RAB6B: variants seen among roughly 807,000 people sequenced by gnomAD.
The protein encoded by RAB6B is ras-related protein Rab-6B.
In RAB6B, 7 loss-of-function variants were observed where a neutral mutation model predicts 31.2. The ratio of observed to expected loss-of-function variants is 0.22; its 90% confidence interval spans 0.13 to 0.42. The LOEUF (loss-of-function observed/expected upper bound fraction) is 0.42, where lower values mean the gene tolerates loss of function less well. RAB6B is among the 10% of genes least tolerant of loss of function. The pLI, the probability that RAB6B is intolerant of heterozygous loss-of-function variation, is 1.00. For missense variants in RAB6B, 149 were observed against 280.6 expected, an observed-to-expected ratio of 0.53 and a Z score of 3.35; for synonymous variants, 105 against 104.9, an observed-to-expected ratio of 1.00 and a Z score of -0.01.
intron 1 of RAB6B, among the ~76,000 whole-genome samples, 187 bp downstream of exon 1, chr3:133,895,210 C>T (rs1936691065): frequency 6.6e-6 from 1 of 152,270 alleles, no homozygotes; most frequent in South Asian, 2.1e-4. Flanking sequence ...GCTCCAGCGC[C>T]TCCTCCGTCC....
In RAB6B at chr3:133,828,720, G is replaced by A. The variant is rs550352284; in HGVS notation, c.*68C>T. The A allele has an allele frequency of 5.3e-6, 8 of 1,500,494 alleles. No individual in the cohort carries two copies. In the South Asian group the frequency reaches 9.0e-5, roughly 17 times the overall value. 92.9% of individuals were successfully genotyped at this position (1,500,494 alleles called of 1,614,324 possible). A position where few individuals can be genotyped will look rare whatever the true frequency, so the allele number is the denominator to read the frequency against. On this transcript the variant is annotated 3_prime_UTR_variant, in exon 8 of 8. Coordinates refer to ENST00000285208, the MANE Select transcript of RAB6B (RefSeq NM_016577.4). ...ATAACTCGGTTCCCTCCCCCCTTAG[G>A]AAGCTAGCCAATAGGAAGCAACACA...
intron 2 of RAB6B, among the ~76,000 whole-genome samples, chr3:133,842,322 A>G (rs1220314382): frequency 6.6e-6 from 1 of 152,266 alleles, no homozygotes; most frequent in Non-Finnish European, 1.5e-5. Context: ...AGAGGCAGCC[A>G]GCCTTGTGGC....
At chr3:133,830,531 G>A (rs1391092109) in intron 7 of RAB6B, among the ~76,000 whole-genome samples, 2 of 152,118 alleles carry the variant, frequency 1.3e-5, no homozygotes, top group Non-Finnish European at 2.9e-5. Flanking sequence ...TTCTAGAAGT[G>A]ATGCTCCCTC....
intron 1 of RAB6B, among the ~76,000 whole-genome samples, chr3:133,879,157 A>C (rs1286627985): frequency 6.6e-6 from 1 of 152,224 alleles, no homozygotes; most frequent in Non-Finnish European, 1.5e-5. Flanking sequence ...AGCAGTAACA[A>C]GTTAAAATTC....
chr3:133,876,871 T>C (rs1261230270), intron 1 of RAB6B, among the ~76,000 whole-genome samples: 2 of 152,074 alleles, frequency 1.3e-5, no homozygotes, highest in Non-Finnish European at 2.9e-5. Flanking sequence ...CTGCCCAGAC[T>C]GATGTTCCCT....
chr3:133,873,576 A>T (rs762939972), intron 1 of RAB6B, among the ~76,000 whole-genome samples: 1 of 152,216 alleles, frequency 6.6e-6, no homozygotes, highest in African/African-American at 2.4e-5. Context: ...AAAAGGTGCT[A>T]TCATCTTTGG....
intron 2 of RAB6B, among the ~76,000 whole-genome samples, chr3:133,851,928 T>C (rs1935989480): frequency 6.6e-6 from 1 of 152,308 alleles, no homozygotes; most frequent in East Asian, 1.9e-4. Flanking sequence ...GCTGCTTCTC[T>C]GGAAGCAACT....
Position 133,828,709 on chromosome 3 carries a change from T to C in RAB6B, c.*79A>G, listed in dbSNP as rs1935610852. On this transcript the variant is annotated 3_prime_UTR_variant, in exon 8 of 8. Coordinates refer to ENST00000285208, the MANE Select transcript of RAB6B (RefSeq NM_016577.4). ...CTCCCATCTTGATAACTCGGTTCCC[T>C]CCCCCCTTAGGAAGCTAGCCAATAG... 6 of 1,209,648 alleles carry C rather than the reference T, an allele frequency of 5.0e-6. No homozygotes were observed. Among genetic ancestry groups the C allele is most frequent in the Admixed American group, 1.9e-5 (1 of 52,098 alleles). The allele number at this position is 1,209,648 out of a possible 1,614,324, so 74.9% of individuals were successfully genotyped here. A position where few individuals can be genotyped will look rare whatever the true frequency, so the allele number is the denominator to read the frequency against.
At chr3:133,873,353 C>T (rs1339872325) in intron 1 of RAB6B, among the ~76,000 whole-genome samples, 1 of 152,220 alleles carries the variant, frequency 6.6e-6, no homozygotes, top group Non-Finnish European at 1.5e-5. Flanking sequence ...TGGCTGGAGA[C>T]TGGAAGATTT....
At chr3:133,844,316 C>A (rs1935878193) in intron 2 of RAB6B, among the ~76,000 whole-genome samples, 1 of 152,242 alleles carries the variant, frequency 6.6e-6, no homozygotes, top group Non-Finnish European at 1.5e-5. Context: ...TTCTCCAGCT[C>A]TCTCTTAATT....
At chr3:133,834,461 G>A in intron 7 of RAB6B, 114 bp downstream of exon 7, 2 of 1,195,620 alleles carry the variant, frequency 1.7e-6, no homozygotes, top group Non-Finnish European at 2.5e-6. Context: ...ATTCGCGGCA[G>A]ACCAGGGAAG....
chr3:133,859,574 G>A (rs1024040426), intron 2 of RAB6B, among the ~76,000 whole-genome samples: 29 of 152,196 alleles, frequency 1.9e-4, no homozygotes, highest in African/African-American at 6.5e-4. Context: ...TTTTAGGCCC[G>A]AGTCTCTGTT....
In RAB6B at chr3:133,826,064, C is replaced by T. The variant is rs1404336511; in HGVS notation, c.*2724G>A. ...CTCAAGACAAAAATCAGGGAACCAACAACTTCTGAAAAAGAGGTCTGGCTG... is the reference window on the plus strand; with the variant it reads ...CTCAAGACAAAAATCAGGGAACCAATAACTTCTGAAAAAGAGGTCTGGCTG... On this transcript the variant is annotated 3_prime_UTR_variant, in exon 8 of 8. Transcript: ENST00000285208. 1 of 152,240 alleles carries T rather than the reference C, an allele frequency of 6.6e-6. No individual in the cohort carries two copies. The highest frequency in any genetic ancestry group is 1.5e-5 in the Non-Finnish European group (1 of 68,082). The allele number at this position is 152,240 out of a possible 1,614,324, so 9.4% of individuals were successfully genotyped here.
chr3:133,829,684 C>T (rs768963885), intron 7 of RAB6B, among the ~76,000 whole-genome samples: 2 of 152,150 alleles, frequency 1.3e-5, no homozygotes, highest in Non-Finnish European at 2.9e-5. Context: ...TTGCTGGCAT[C>T]CTAAGGATGC....
chr3:133,866,506 C>T (rs981202829), intron 1 of RAB6B, among the ~76,000 whole-genome samples: 2 of 152,230 alleles, frequency 1.3e-5, no homozygotes, highest in Admixed American at 1.3e-4. Context: ...GGTGTCAGAA[C>T]AGCCCCATTT....
Position 133,895,767 on chromosome 3 carries a change from G to A in RAB6B, c.-301C>T, listed in dbSNP as rs944160247. The A allele has an allele frequency of 2.3e-4, 90 of 392,698 alleles. No homozygotes were observed. The highest frequency in any genetic ancestry group is 3.7e-4 in the Non-Finnish European group (82 of 222,774). The allele number at this position is 392,698 out of a possible 1,614,324, so 24.3% of individuals were successfully genotyped here. On this transcript the variant is annotated 5_prime_UTR_variant, in exon 1 of 8. Coordinates refer to ENST00000285208, the MANE Select transcript of RAB6B (RefSeq NM_016577.4). ...TTACGCCCGAGGCGCGGCGCTGGGA[G>A]AGAGGCGCGGGCGGAGCGGGGCGCA...
In RAB6B at chr3:133,864,733, C is replaced by T. The variant is rs3811646; in HGVS notation, c.71-91G>A. 237,167 of 1,278,312 alleles carry T rather than the reference C, an allele frequency of 0.19. 24,246 individuals carry two copies. Among genetic ancestry groups the T allele is most frequent in the Admixed American group, 0.33 (19,132 of 58,738 alleles). 79.2% of individuals were successfully genotyped at this position (1,278,312 alleles called of 1,614,324 possible). On this transcript the variant is annotated intron_variant, in intron 1 of 7. Coordinates refer to ENST00000285208, the MANE Select transcript of RAB6B (RefSeq NM_016577.4). ...GCATTTGAAGAAAAGATAACAAAAC[C>T]AAAAAGCACAGGGGAAAGGCCGAGT...
chr3:133,827,221 C>T lies in RAB6B; in HGVS notation c.*1567G>A, dbSNP rs1253619529. 1 of 152,232 alleles carries T rather than the reference C, an allele frequency of 6.6e-6. No individual in the cohort carries two copies. Among genetic ancestry groups the T allele is most frequent in the Non-Finnish European group, 1.5e-5 (1 of 68,056 alleles). 9.4% of individuals were successfully genotyped at this position (152,232 alleles called of 1,614,324 possible). On this transcript the variant is annotated 3_prime_UTR_variant, in exon 8 of 8. Transcript: ENST00000285208. ...AAGTTTCAAAATTCATTCCAACGACCTTGTGGAGTTCAGCCCACCATACCC... is the reference window on the plus strand; with the variant it reads ...AAGTTTCAAAATTCATTCCAACGACTTTGTGGAGTTCAGCCCACCATACCC...
At chr3:133,864,119 C>CGT (rs1183751339) in intron 2 of RAB6B, among the ~76,000 whole-genome samples, 6 of 134,530 alleles carry the variant, frequency 4.5e-5, no homozygotes, top group Admixed American at 8.3e-5. Flanking sequence ...CCTCAGCAAC[C>CGT]GTGTGTGTGT....
Sources: gnomAD v4.1 joint callset for allele counts (sites outside exome capture counted in the v4.1 genomes callset) on GRCh38, gnomAD v4.1.1 for gene constraint, MANE v1.5 for transcripts, NCBI Gene and HGNC (gene_info 2026-07-23, HGNC 2026-07-21) for gene names.